MORN5: variants seen among roughly 807,000 people sequenced by gnomAD.
The protein encoded by MORN5 is MORN repeat containing 5, also known as MORN repeat-containing protein 5.
In MORN5, 21 loss-of-function variants were observed where a neutral mutation model predicts 22.1. The ratio of observed to expected loss-of-function variants is 0.95; its 90% CI spans 0.67 to 1.37. The LOEUF is 1.37. MORN5 is among the 40% of genes most tolerant of loss of function. The pLI is 0.00. For synonymous variants in MORN5, 73 were observed against 74.0 expected (o/e 0.99, Z 0.07); for missense variants, 211 against 215.1 (o/e 0.98, Z 0.12).
At chr9:122,192,404 G>C (rs1829791586) in intron 4 of MORN5, among the ~76,000 whole-genome samples, 1 of 152,196 alleles carries the variant, frequency 6.6e-6, no homozygotes, top group Admixed American at 6.5e-5. Flanking sequence ...CAAGGTCTGT[G>C]GGCTAGTGAC....
Position 122,166,994 on chromosome 9 carries a change from C to A in MORN5, c.195+79C>A, listed in dbSNP as rs543603228. 3.1e-3 allele frequency: 4,352 copies of A among 1,393,362 alleles called. 9 individuals are homozygous for A. The highest frequency in any genetic ancestry group is 4.0e-3 in the Non-Finnish European group (4,086 of 1,018,248). 86.3% of individuals were successfully genotyped at this position (1,393,362 alleles called of 1,614,324 possible). On this transcript the variant is annotated intron_variant, in intron 2 of 4. Coordinates refer to ENST00000373764, the MANE Select transcript of MORN5 (RefSeq NM_198469.4). ...GCCTCACCCTCTGGCACCCCATCCT[C>A]CCTGTCTGGTGCCCACCTTGTTCCA... is the stretch of plus-strand genomic sequence containing the variant.
Position 122,197,024 on chromosome 9 carries a change from A to G in MORN5, c.440-2861A>G, listed in dbSNP as rs1313406642. Among the ~76,000 whole-genome samples the G allele has an allele frequency of 1.3e-5, 2 of 152,048 alleles. No homozygotes were observed. Among genetic ancestry groups the G allele is most frequent in the African/African-American group, 4.8e-5 (2 of 41,394 alleles). The stretch of plus-strand genomic sequence containing the variant: ...TGAATGCATATACAACAAAATAATC[A>G]TTCCCTCATTTTTAGAAATGTACAT... On this transcript the variant is annotated intron_variant, in intron 4 of 4. Transcript: ENST00000373764. This position sits in a 1 kb window ranked among gnomAD's most constrained non-coding sequence, Gnocchi z 5.7.
At chr9:122,166,151 G>A (rs1007624825) in intron 1 of MORN5, among the ~76,000 whole-genome samples, 6 of 151,960 alleles carry the variant, frequency 3.9e-5, no homozygotes, top group African/African-American at 1.5e-4. Context: ...GAACAGCATG[G>A]GAAAAACCCA....
intron 4 of MORN5, among the ~76,000 whole-genome samples, chr9:122,179,926 G>A (rs117077124): frequency 0.025 from 3,834 of 152,334 alleles, 74 homozygotes; most frequent in South Asian, 0.055. Context: ...GGGTGACTGA[G>A]GCCATCCCAG....
chr9:122,184,484 T>C (rs1829582892), intron 4 of MORN5, among the ~76,000 whole-genome samples: 1 of 152,238 alleles, frequency 6.6e-6, no homozygotes, highest in Non-Finnish European at 1.5e-5. Flanking sequence ...AGGAGAGGAC[T>C]GATTAAATAA....
chr9:122,174,583 C>A lies in MORN5; in HGVS notation c.395C>A (p.Thr132Lys), dbSNP rs139457611. The A allele has an allele frequency of 5.0e-6, 8 of 1,614,060 alleles. No individual in the cohort carries two copies. Among genetic ancestry groups the A allele is most frequent in the Non-Finnish European group, 6.8e-6 (8 of 1,180,008 alleles). The change falls in exon 4 of 5, where the codon ACG becomes AAG. Residue 132 changes from threonine to lysine, a missense_variant. Thr to Lys is a moderately conservative substitution (Grantham distance 78, BLOSUM62 -1). Transcript: ENST00000373764. ...GGAGACGGCTTCTATAACCCAGTCA[C>A]GAGGGTAGTCAAGGACTATAGGAAC... is the stretch of plus-strand genomic sequence containing the variant. ...DCGDGFYNPV[T>K]RVVKDYRNRF...
chr9:122,174,855 C>T (rs1275741294), intron 4 of MORN5: 12 of 1,352,136 alleles, frequency 8.9e-6, no homozygotes, highest in Non-Finnish European at 1.0e-5. Context: ...AGTGACGGCA[C>T]ATAAATGTCG....
chr9:122,190,842 C>T (rs1588314797), intron 4 of MORN5, among the ~76,000 whole-genome samples: 1 of 152,288 alleles, frequency 6.6e-6, no homozygotes, highest in East Asian at 1.9e-4. Context: ...GGCATTGCTG[C>T]CCTCACTGTG....
intron 3 of MORN5, among the ~76,000 whole-genome samples, chr9:122,172,006 G>A (rs1386029390): frequency 7.2e-6 from 1 of 139,636 alleles, no homozygotes; most frequent in African/African-American, 2.7e-5. Flanking sequence ...CCAGGCTGGA[G>A]TGCAGTGGTA....
intron 4 of MORN5, among the ~76,000 whole-genome samples, chr9:122,177,957 C>T (rs1032342703): frequency 3.9e-5 from 6 of 152,242 alleles, no homozygotes; most frequent in Non-Finnish European, 5.9e-5. Flanking sequence ...TGAGGTTATT[C>T]CTTGGCAGTT....
chr9:122,194,038 G>A (rs1829834619), intron 4 of MORN5, among the ~76,000 whole-genome samples: 1 of 152,206 alleles, frequency 6.6e-6, no homozygotes, highest in South Asian at 2.1e-4. Context: ...TCTATAAAAA[G>A]CCCAGTTATC....
chr9:122,167,146 C>G (rs1474361055), intron 2 of MORN5, among the ~76,000 whole-genome samples: 1 of 150,304 alleles, frequency 6.7e-6, no homozygotes, highest in Admixed American at 6.6e-5. Context: ...CTCCTGGGTT[C>G]AAGCGAGTCT....
Position 122,159,913 on chromosome 9 carries a change from A to C in MORN5, c.-60A>C. ...TCCGCCCACCCCTCCAGGTTGTCAT[A>C]GTGATGCCGTATCCACTGAGACTCC... is the stretch of plus-strand genomic sequence containing the variant. On this transcript the variant is annotated 5_prime_UTR_variant, in exon 1 of 5. Coordinates refer to ENST00000373764, the MANE Select transcript of MORN5 (RefSeq NM_198469.4). 1 of 1,560,144 alleles carries C rather than the reference A, an allele frequency of 6.4e-7. No individual in the cohort carries two copies. Among genetic ancestry groups the C allele is most frequent in the Non-Finnish European group, 8.8e-7 (1 of 1,130,806 alleles).
intron 3 of MORN5, among the ~76,000 whole-genome samples, chr9:122,172,613 A>G (rs1185876409): frequency 6.6e-6 from 1 of 152,118 alleles, no homozygotes; most frequent in Admixed American, 6.5e-5. Flanking sequence ...CACACTAGGT[A>G]AGGTCTCCCT....
At chr9:122,183,174 G>A (rs925596278) in intron 4 of MORN5, among the ~76,000 whole-genome samples, 1 of 152,216 alleles carries the variant, frequency 6.6e-6, no homozygotes, top group African/African-American at 2.4e-5. Context: ...TTTATACACT[G>A]TGAGCTAATA....
intron 4 of MORN5, chr9:122,175,729 C>A (rs1229651765): frequency 5.1e-6 from 5 of 974,130 alleles, no homozygotes; most frequent in Middle Eastern, 5.2e-4. Flanking sequence ...ACCAGAACAT[C>A]TGTGCTGGTG....
chr9:122,191,509 C>G (rs1019450804), intron 4 of MORN5, among the ~76,000 whole-genome samples: 2 of 152,212 alleles, frequency 1.3e-5, no homozygotes, highest in Non-Finnish European at 2.9e-5. Flanking sequence ...CCCCCACATA[C>G]ACGCGGAGCT....
chr9:122,180,564 G>T (rs1044846884), intron 4 of MORN5, among the ~76,000 whole-genome samples: 2 of 152,124 alleles, frequency 1.3e-5, no homozygotes, highest in African/African-American at 4.8e-5. Context: ...GGGATTATAG[G>T]CATGAGCCAC....
At chr9:122,171,061 G>A (rs1829358797) in intron 3 of MORN5, among the ~76,000 whole-genome samples, 2 of 152,172 alleles carry the variant, frequency 1.3e-5, no homozygotes, top group South Asian at 4.1e-4. Context: ...AATGACAGAT[G>A]GGGAAACAAC....
Sources: allele counts gnomAD v4.1 joint callset (sites outside exome capture counted in the v4.1 genomes callset), GRCh38; gene constraint gnomAD v4.1.1; non-coding constraint Gnocchi (gnomAD v3.1); transcripts MANE v1.5; gene names NCBI Gene and HGNC (gene_info 2026-07-23, HGNC 2026-07-21).